The following TUSC3 variants were observed in gnomAD, a reference collection of about 807,000 sequenced individuals.
TUSC3 encodes tumor suppressor candidate 3.
TUSC3 carries 45 observed loss-of-function variants against 44.8 expected under a neutral mutation model. That is an observed-to-expected ratio of 1.00 (90% CI 0.79 to 1.29). TUSC3 has a LOEUF of 1.29. Ranked by LOEUF, TUSC3 falls within the 50% of genes most tolerant of loss-of-function variation. TUSC3 has a pLI of 0.00. For synonymous variants in TUSC3, 212 were observed against 152.9 expected (o/e 1.39, Z -2.85); for missense variants, 519 against 437.9 (o/e 1.19, Z -1.65).
chr8:15,604,847 A>G (rs1182349651), intron 1 of TUSC3, among the ~76,000 whole-genome samples: 1 of 151,842 alleles, frequency 6.6e-6, no homozygotes, highest in Non-Finnish European at 1.5e-5. Context: ...TCCAAACTTT[A>G]TCTTACAAGA....
At chr8:15,495,241 A>G (rs1245409012) in intron 2 of TUSC3, among the ~76,000 whole-genome samples, 1 of 152,148 alleles carries the variant, frequency 6.6e-6, no homozygotes, top group African/African-American at 2.4e-5. Context: ...CTCTGGGATA[A>G]AATATTTGTT....
At chr8:15,709,733 T>A (rs1809764938) in intron 6 of TUSC3, among the ~76,000 whole-genome samples, 1 of 151,834 alleles carries the variant, frequency 6.6e-6, no homozygotes, top group African/African-American at 2.4e-5. Context: ...TATCTCCCAA[T>A]TAGGTAAGGA....
chr8:15,850,768 G>A, the TUSC3 span, among the ~76,000 whole-genome samples: 48 of 152,216 alleles, frequency 3.2e-4, no homozygotes, highest in Admixed American at 9.8e-4. Context: ...ATCTTAAAAC[G>A]ACATTGAAAC....
chr8:15,709,388 T>C (rs1809749110), intron 6 of TUSC3, among the ~76,000 whole-genome samples: 1 of 151,944 alleles, frequency 6.6e-6, no homozygotes, highest in Admixed American at 6.6e-5. Context: ...AATTAGATTT[T>C]GTATATTTTG....
intron 3 of TUSC3, among the ~76,000 whole-genome samples, chr8:15,655,841 T>C (rs1268510749): frequency 6.6e-6 from 1 of 152,198 alleles, no homozygotes; most frequent in Non-Finnish European, 1.5e-5. Context: ...TACTGGTGTG[T>C]AGCCTTCCTT....
At chr8:15,708,234 C>A (rs1231328040) in intron 6 of TUSC3, among the ~76,000 whole-genome samples, 1 of 151,758 alleles carries the variant, frequency 6.6e-6, no homozygotes. Flanking sequence ...TTGGTAGATT[C>A]AGGATAATAA....
intron 6 of TUSC3, among the ~76,000 whole-genome samples, chr8:15,680,014 A>G (rs1808351293): frequency 3.3e-5 from 5 of 152,032 alleles, no homozygotes; most frequent in Admixed American, 2.6e-4. Flanking sequence ...GATGTTGGGT[A>G]ATATCCCTCC....
At chr8:15,836,680 C>G in the TUSC3 span, among the ~76,000 whole-genome samples, 1 of 152,098 alleles carries the variant, frequency 6.6e-6, no homozygotes, top group East Asian at 1.9e-4. Context: ...TATCTTCCTT[C>G]CACTTACACC....
At chr8:15,428,126 C>A (rs575597923) in intron 1 of TUSC3, among the ~76,000 whole-genome samples, 4 of 116,776 alleles carry the variant, frequency 3.4e-5, no homozygotes, top group Non-Finnish European at 6.9e-5. Flanking sequence ...CCCCTCCCCC[C>A]ACCCCACAAC....
chr8:15,441,478 T>C (rs1304367237), intron 1 of TUSC3, among the ~76,000 whole-genome samples: 2 of 152,126 alleles, frequency 1.3e-5, no homozygotes, highest in African/African-American at 4.8e-5. Flanking sequence ...TTCAAAAAGA[T>C]TGTTTAGCCC....
chr8:15,524,380 T>C (rs1392245896), intron 2 of TUSC3, among the ~76,000 whole-genome samples: 1 of 152,200 alleles, frequency 6.6e-6, no homozygotes, highest in Non-Finnish European at 1.5e-5. Flanking sequence ...GGAATTGTGA[T>C]GTAAATAATT....
Position 15,701,142 on chromosome 8 carries a change from A to G in TUSC3, c.798+27306A>G, listed in dbSNP as rs1366043889. Among the ~76,000 whole-genome samples the G allele has an allele frequency of 2.6e-5, 4 of 152,156 alleles. No homozygotes were observed. The East Asian group carries it at 5.8e-4, about 22-fold the overall frequency. On this transcript the variant is annotated intron_variant, in intron 6 of 10. Transcript: ENST00000503731. ...AATGTTACAGAAGTAAAATGTACAAATAGCGTAATACACAGATCTTAAATG... is the reference window on the plus strand; with the variant it reads ...AATGTTACAGAAGTAAAATGTACAAGTAGCGTAATACACAGATCTTAAATG...
Position 15,658,508 on chromosome 8 carries a change from T to C in TUSC3, c.427-999T>C, listed in dbSNP as rs186543140. On this transcript the variant is annotated intron_variant, in intron 3 of 10. Coordinates refer to ENST00000503731, the MANE Select transcript of TUSC3 (RefSeq NM_006765.4). ...GTATATTTATATATTGATTTTTGTTTTCATTATTAGAAAATACTGAACTGT... is the reference window on the plus strand; with the variant it reads ...GTATATTTATATATTGATTTTTGTTCTCATTATTAGAAAATACTGAACTGT... 2.0e-5 allele frequency among the ~76,000 whole-genome samples: 3 copies of C among 152,200 alleles called. No individual in the cohort carries two copies. In the East Asian group the frequency reaches 5.8e-4, roughly 29 times the overall value.
chr8:15,535,256 G>T (rs934019286), upstream of TUSC3, among the ~76,000 whole-genome samples: 3 of 152,188 alleles, frequency 2.0e-5, no homozygotes, highest in African/African-American at 7.2e-5. Flanking sequence ...CAGTTTGAAG[G>T]CTTATGTTTT....
At chr8:15,841,455 T>C in the TUSC3 span, among the ~76,000 whole-genome samples, 2 of 152,204 alleles carry the variant, frequency 1.3e-5, no homozygotes, top group Non-Finnish European at 2.9e-5. Flanking sequence ...TTTATTACTT[T>C]CTTAGAAATC....
At chr8:15,755,144 A>G (rs907954521) in intron 9 of TUSC3, among the ~76,000 whole-genome samples, 1 of 152,160 alleles carries the variant, frequency 6.6e-6, no homozygotes, top group Non-Finnish European at 1.5e-5. Context: ...TTAATAGGCA[A>G]ACTTCCCTGA....
At chr8:15,663,829 A>T (rs1400589041) in intron 5 of TUSC3, among the ~76,000 whole-genome samples, 1 of 151,884 alleles carries the variant, frequency 6.6e-6, no homozygotes, top group Non-Finnish European at 1.5e-5. Context: ...TGCTTAATTC[A>T]GTAAAGCTAC....
chr8:15,837,138 G>T, the TUSC3 span, among the ~76,000 whole-genome samples: 10 of 152,218 alleles, frequency 6.6e-5, no homozygotes, highest in South Asian at 2.1e-3. Context: ...TGCTGTAGTG[G>T]ATAAATCTGA....
intron 3 of TUSC3, among the ~76,000 whole-genome samples, chr8:15,654,630 C>G (rs780881173): frequency 1.1e-4 from 16 of 151,972 alleles, no homozygotes; most frequent in South Asian, 2.1e-4. Context: ...ACCCCCATCT[C>G]TACTAAAAAT....
Sources: allele counts gnomAD v4.1 joint callset (sites outside exome capture counted in the v4.1 genomes callset), GRCh38; gene constraint gnomAD v4.1.1; transcripts MANE v1.5; gene names NCBI Gene and HGNC (gene_info 2026-07-23, HGNC 2026-07-21).